Variants in ALPK3 observed in about 807,000 individuals in gnomAD.
The protein encoded by ALPK3 is alpha kinase 3.
Under a neutral mutation model 140.0 loss-of-function variants are expected in ALPK3, and 102 were observed. That is an observed-to-expected ratio of 0.73 (90% confidence interval 0.62 to 0.86). The LOEUF is 0.86. Ranked by LOEUF, ALPK3 falls within the 40% of genes least tolerant of loss-of-function variation. ALPK3 has a pLI of 0.00. For synonymous variants in ALPK3, 938 were observed against 898.5 expected, an observed-to-expected ratio of 1.04 and a Z score of -0.79; for missense variants, 2,254 against 2,208.2, an observed-to-expected ratio of 1.02 and a Z score of -0.42.
At position 84,864,694 on chromosome 15, in the gene ALPK3, G is replaced by A. The variant is rs146550201; in HGVS notation, c.4723+29G>A. On this transcript the variant is annotated intron_variant, in intron 12 of 13. Transcript: ENST00000258888. ...CGAGGGTGTGAGGGTGCACGGGTAC[G>A]CATGTGCATGGATGTGAAAGCATGC... The A allele has an allele frequency of 9.6e-4, 1,534 of 1,597,826 alleles. 5 individuals are homozygous for A. Among genetic ancestry groups the A allele is most frequent in the African/African-American group, 9.1e-3 (677 of 74,756 alleles).
At chr15:84,827,382 A>T in intron 2 of ALPK3, 102 bp from the exon 3 acceptor site, 1 of 1,526,574 alleles carries the variant, frequency 6.6e-7, no homozygotes, top group Non-Finnish European at 8.9e-7. Flanking sequence ...TGGCCACAGG[A>T]AGATGGGCAG....
intron 1 of ALPK3, 118 bp from the exon 2 acceptor site, chr15:84,823,212 T>C: frequency 8.4e-7 from 1 of 1,187,342 alleles, no homozygotes; most frequent in Non-Finnish European, 1.2e-6. Flanking sequence ...CTGGTCCCTT[T>C]TAATAGAAAG....
In ALPK3 at chr15:84,864,599, T is replaced by C; in HGVS notation, c.4657T>C (p.Cys1553Arg). 6.2e-7 allele frequency: 1 copy of C among 1,614,170 alleles called. No individual in the cohort carries two copies. The highest frequency in any genetic ancestry group is 8.5e-7 in the Non-Finnish European group (1 of 1,180,010). Residue 1553 changes from cysteine to arginine, a missense_variant, in exon 12 of 14, where the codon TGC (cysteine) becomes CGC (arginine). Cys to Arg is a radical substitution (Grantham distance 180). Transcript: ENST00000258888. ...TGGCAGCTCTGAGGCCATGCAGAAA[T>C]GCCAGACCTTCCAACACTGGCTGTA... ...ASGSSEAMQKCQTFQHWLYQW... is the reference protein window; with the variant it reads ...ASGSSEAMQKRQTFQHWLYQW...
chr15:84,860,159 C>A, intron 9 of ALPK3, 87 bp downstream of exon 9: 1 of 1,479,882 alleles, frequency 6.8e-7, no homozygotes. Flanking sequence ...AATCTGGTCC[C>A]AATCCACATA....
intron 3 of ALPK3, among the ~76,000 whole-genome samples, chr15:84,830,114 TG>T (rs1295860736): frequency 1.3e-5 from 2 of 152,234 alleles, no homozygotes; most frequent in Non-Finnish European, 2.9e-5. Context: ...GTTTTTCATT[TG>T]TTTCTTTTTT....
At chr15:84,855,063 C>T (rs112747781) in intron 5 of ALPK3, among the ~76,000 whole-genome samples, 9 of 152,240 alleles carry the variant, frequency 5.9e-5, no homozygotes, top group African/African-American at 9.6e-5. Flanking sequence ...AGCAATTTTC[C>T]GGAGGTTTCT....
Position 84,858,350 on chromosome 15 carries a change from C to T in ALPK3, c.3612C>T (p.Ser1204=), listed in dbSNP as rs777139979. 1.3e-6 allele frequency: 2 copies of T among 1,556,016 alleles called. No individual in the cohort carries two copies. The highest frequency in any genetic ancestry group is 1.2e-5 in the South Asian group (1 of 84,670). The change falls in exon 6 of 14, where the codon TCC becomes TCT. Residue 1204 remains serine (S), a synonymous_variant. Transcript: ENST00000258888. ...RGPRKSLVPG[S]PGTPGRERRS... ...CCAGGAAAAGCCTGGTGCCTGGGTC[C>T]CCAGGGACTCCAGGGCGGGAGAGAC...
At position 84,856,565 on chromosome 15, in the gene ALPK3, T is replaced by C; in HGVS notation, c.1827T>C (p.Asn609=). 1 of 1,613,988 alleles carries C rather than the reference T, an allele frequency of 6.2e-7. No individual in the cohort carries two copies. The highest frequency in any genetic ancestry group is 8.5e-7 in the Non-Finnish European group (1 of 1,179,990). The change falls in exon 6 of 14, where the codon AAT becomes AAC. Residue 609 remains asparagine, a synonymous_variant. Transcript: ENST00000258888. The part of the protein sequence containing the change: ...SANQRTGSKK[N]VQADGKIQVD... ...ACCAGAGAACTGGAAGCAAGAAGAA[T>C]GTGCAGGCAGATGGGAAGATACAAG... is the stretch of plus-strand genomic sequence containing the variant.
intron 5 of ALPK3, among the ~76,000 whole-genome samples, chr15:84,855,047 C>T (rs921037420): frequency 1.3e-5 from 2 of 152,176 alleles, no homozygotes; most frequent in Admixed American, 1.3e-4. Flanking sequence ...ACAATGTTCT[C>T]GGCTTAGCAA....
intron 3 of ALPK3, among the ~76,000 whole-genome samples, chr15:84,830,447 T>C (rs528182909): frequency 2.0e-5 from 3 of 152,366 alleles, no homozygotes; most frequent in Non-Finnish European, 2.9e-5. Flanking sequence ...GGCATAGTGA[T>C]GGCAAGGTCT....
intron 5 of ALPK3, among the ~76,000 whole-genome samples, chr15:84,847,249 G>GAGAGAGAT (rs1467777064): frequency 8.5e-6 from 1 of 117,994 alleles, no homozygotes; most frequent in Non-Finnish European, 1.8e-5. Context: ...GAGAGAGAGA[G>GAGAGAGAT]GAATCAGAAA....
intron 6 of ALPK3, among the ~76,000 whole-genome samples, 186 bp downstream of exon 6, chr15:84,858,741 C>T (rs1400397162): frequency 6.6e-6 from 1 of 152,216 alleles, no homozygotes; most frequent in African/African-American, 2.4e-5. Flanking sequence ...GATTCTGCCA[C>T]TCCACAGAGT....
intron 5 of ALPK3, among the ~76,000 whole-genome samples, chr15:84,853,102 C>T (rs1176547370): frequency 4.6e-5 from 7 of 152,172 alleles, no homozygotes; most frequent in South Asian, 2.1e-4. Context: ...GTTCTAGTTC[C>T]GTGAGTCTTG....
intron 13 of ALPK3, 24 bp from the exon 14 acceptor site, chr15:84,868,087 T>G (rs1401981894): frequency 6.3e-7 from 1 of 1,593,928 alleles, no homozygotes; most frequent in Admixed American, 1.7e-5. Context: ...GGACCCCCAC[T>G]CAGCTCTTCC....
In ALPK3 at chr15:84,840,193, A is replaced by G; in HGVS notation, c.914A>G (p.Gln305Arg). 1 of 1,613,908 alleles carries G rather than the reference A, an allele frequency of 6.2e-7. No homozygotes were observed. The highest frequency in any genetic ancestry group is 1.1e-5 in the South Asian group (1 of 91,074). The change falls in exon 5 of 14, where the codon CAG (glutamine) becomes CGG (arginine). Residue 305 changes from glutamine to arginine, a missense_variant. Coordinates refer to ENST00000258888, the MANE Select transcript of ALPK3 (RefSeq NM_020778.5). ...TGTGACGCCATGGAGCTGGGGCCTCAGAGAGCCCTCAAAGAGGAGAGTGGG... is the reference window on the plus strand; with the variant it reads ...TGTGACGCCATGGAGCTGGGGCCTCGGAGAGCCCTCAAAGAGGAGAGTGGG... ...YICDAMELGP[Q>R]RALKEESGAK...
At chr15:84,863,387 T>G in intron 10 of ALPK3, 165 bp from the exon 11 acceptor site, 3 of 604,330 alleles carry the variant, frequency 5.0e-6, no homozygotes, top group Non-Finnish European at 8.7e-6. Flanking sequence ...AAGAGGAAAA[T>G]GAGATGCAGA....
Position 84,817,365 on chromosome 15 carries a change from G to A in ALPK3, c.-88G>A. 3 of 1,228,962 alleles carry A rather than the reference G, an allele frequency of 2.4e-6. No homozygotes were observed. Among genetic ancestry groups the A allele is most frequent in the Non-Finnish European group, 3.0e-6 (3 of 987,490 alleles). The allele number at this position is 1,228,962 out of a possible 1,614,324, so 76.1% of individuals were successfully genotyped here. ...CGCGTCAGCCGCGGGCGGGAGCGGC[G>A]GCGGCGGGCAGGGGCCCGGGGGCCG... On this transcript the variant is annotated 5_prime_UTR_variant, in exon 1 of 14. Coordinates refer to ENST00000258888, the MANE Select transcript of ALPK3 (RefSeq NM_020778.5).
At chr15:84,864,383 G>A (rs1596158358) in intron 11 of ALPK3, 59 bp from the exon 12 acceptor site, 1 of 1,525,680 alleles carries the variant, frequency 6.6e-7, no homozygotes, top group East Asian at 2.3e-5. Context: ...GAATTGGGTG[G>A]GAGGGAGGAG....
At chr15:84,847,205 C>T (rs1271436232) in intron 5 of ALPK3, among the ~76,000 whole-genome samples, 2 of 106,876 alleles carry the variant, frequency 1.9e-5, no homozygotes, top group Non-Finnish European at 3.7e-5. Flanking sequence ...GAGGGAGAAA[C>T]GGGGAGAGAG....
Sources: allele counts gnomAD v4.1 joint callset (sites outside exome capture counted in the v4.1 genomes callset), GRCh38; gene constraint gnomAD v4.1.1; transcripts MANE v1.5; gene names NCBI Gene and HGNC (gene_info 2026-07-23, HGNC 2026-07-21).